Variants in HEMK2 observed in about 807,000 individuals in gnomAD.
HEMK2 encodes the protein methyltransferase HEMK2.
At chr21:28,860,484 TATATAA>T in the HEMK2 span, among the ~76,000 whole-genome samples, 1 of 148,914 alleles carries the variant, frequency 6.7e-6, no homozygotes, top group Non-Finnish European at 1.5e-5. Flanking sequence ...ATATAATACA[TATATAA>T]ATATATGTAT....
At chr21:28,796,672 C>T in the HEMK2 span, among the ~76,000 whole-genome samples, 2 of 152,196 alleles carry the variant, frequency 1.3e-5, no homozygotes, top group African/African-American at 4.8e-5. Context: ...TCAAGTGATC[C>T]TCCCACCACA....
the HEMK2 span, among the ~76,000 whole-genome samples, chr21:28,753,374 A>G: frequency 6.8e-6 from 1 of 146,318 alleles, no homozygotes; most frequent in Non-Finnish European, 1.5e-5. Flanking sequence ...AAAAAAAAAA[A>G]GTAGAAGGTA....
chr21:28,876,983 TGGAGGGAG>T, the HEMK2 span, among the ~76,000 whole-genome samples: 6 of 79,708 alleles, frequency 7.5e-5, no homozygotes, highest in Admixed American at 1.6e-4. Flanking sequence ...ACTAAGACAA[TGGAGGGAG>T]GGAGGGAGGG....
At chr21:28,741,700 G>C in the HEMK2 span, among the ~76,000 whole-genome samples, 1 of 152,138 alleles carries the variant, frequency 6.6e-6, no homozygotes, top group Non-Finnish European at 1.5e-5. Context: ...AAGGCCTCTA[G>C]CTTCGTCCAT....
At chr21:28,653,632 T>A in the HEMK2 span, among the ~76,000 whole-genome samples, 1 of 152,154 alleles carries the variant, frequency 6.6e-6, no homozygotes, top group Non-Finnish European at 1.5e-5. Flanking sequence ...TTTCTTAACA[T>A]CCGACAAGTT....
chr21:28,877,734 G>A, the HEMK2 span, among the ~76,000 whole-genome samples: 1,094 of 152,138 alleles, frequency 7.2e-3, 12 homozygotes, highest in African/African-American at 0.025. Flanking sequence ...GAAGTGTACA[G>A]AAAAAGAGAG....
At chr21:28,882,664 G>A in the HEMK2 span, among the ~76,000 whole-genome samples, 135 of 152,108 alleles carry the variant, frequency 8.9e-4, no homozygotes, top group African/African-American at 3.2e-3. Context: ...AAATTTATAG[G>A]TGATTTTAAT....
chr21:28,863,381 G>C, the HEMK2 span, among the ~76,000 whole-genome samples: 1 of 132,132 alleles, frequency 7.6e-6, no homozygotes, highest in African/African-American at 3.0e-5. Context: ...CCTTGTGATT[G>C]TGTGAGTTAA....
At chr21:28,741,912 G>T in the HEMK2 span, among the ~76,000 whole-genome samples, 2 of 152,100 alleles carry the variant, frequency 1.3e-5, no homozygotes, top group Admixed American at 6.5e-5. Flanking sequence ...CTTCCTTTGG[G>T]TATATACCTA....
At chr21:28,591,634 T>C in the HEMK2 span, among the ~76,000 whole-genome samples, 3,485 of 152,166 alleles carry the variant, frequency 0.023, 102 homozygotes, top group East Asian at 0.12. Flanking sequence ...GTTGTACAGA[T>C]TTTTTCATCA....
the HEMK2 span, among the ~76,000 whole-genome samples, chr21:28,618,081 C>T: frequency 2.0e-5 from 3 of 152,108 alleles, no homozygotes; most frequent in East Asian, 5.8e-4. Flanking sequence ...AGCCACCACG[C>T]CCAGCCTTGG....
At chr21:28,771,111 A>C in the HEMK2 span, among the ~76,000 whole-genome samples, 1 of 152,156 alleles carries the variant, frequency 6.6e-6, no homozygotes, top group Non-Finnish European at 1.5e-5. Flanking sequence ...ATCCTCACAA[A>C]CAACTGTTAC....
At chr21:28,611,635 G>C in the HEMK2 span, among the ~76,000 whole-genome samples, 2 of 125,144 alleles carry the variant, frequency 1.6e-5, no homozygotes, top group African/African-American at 5.3e-5. Flanking sequence ...GTAATCCCAG[G>C]AGCAGCTCAC....
At chr21:28,690,416 T>C in the HEMK2 span, among the ~76,000 whole-genome samples, 1 of 152,208 alleles carries the variant, frequency 6.6e-6, no homozygotes, top group African/African-American at 2.4e-5. Context: ...TGACCAGCAA[T>C]GTGATTCTAG....
At chr21:28,863,465 T>TAC in the HEMK2 span, among the ~76,000 whole-genome samples, 39 of 85,584 alleles carry the variant, frequency 4.6e-4, 4 homozygotes, top group East Asian at 1.7e-3. Flanking sequence ...TATATATATA[T>TAC]ATATACTTCA....
the HEMK2 span, among the ~76,000 whole-genome samples, chr21:28,789,024 A>AC: frequency 1.3e-5 from 2 of 151,970 alleles, no homozygotes; most frequent in African/African-American, 4.8e-5. Flanking sequence ...TCTCCCTGCA[A>AC]CCCCCTAAGA....
the HEMK2 span, among the ~76,000 whole-genome samples, chr21:28,678,882 T>C: frequency 5.3e-5 from 8 of 151,370 alleles, no homozygotes; most frequent in Non-Finnish European, 8.8e-5. Flanking sequence ...CCTAAAAGAG[T>C]TCCTGAAGGA....
chr21:28,857,748 G>C, the HEMK2 span, among the ~76,000 whole-genome samples: 1 of 152,072 alleles, frequency 6.6e-6, no homozygotes, highest in African/African-American at 2.4e-5. Context: ...GTCTTATTAA[G>C]AATAACCAAA....
At chr21:28,809,215 T>C in the HEMK2 span, among the ~76,000 whole-genome samples, 2 of 150,202 alleles carry the variant, frequency 1.3e-5, no homozygotes, top group Non-Finnish European at 3.0e-5. Flanking sequence ...GTCAAATTAG[T>C]GGTAGGAAAG....
Sources: allele counts gnomAD v4.1 joint callset (sites outside exome capture counted in the v4.1 genomes callset), GRCh38; gene constraint gnomAD v4.1.1; transcripts MANE v1.5; gene names NCBI Gene and HGNC (gene_info 2026-07-23, HGNC 2026-07-21).